Variants in POMGNT1 observed in about 807,000 individuals in gnomAD.
POMGNT1 encodes protein O-linked mannose N-acetylglucosaminyltransferase 1 (beta 1,2-), also known as protein O-linked-mannose beta-1,2-N-acetylglucosaminyltransferase 1.
POMGNT1 carries 67 observed loss-of-function variants against 95.6 expected under a neutral mutation model. The ratio of observed to expected loss-of-function variants is 0.70; its 90% confidence interval spans 0.58 to 0.86. The LOEUF is 0.86. POMGNT1 is among the 40% of genes least tolerant of loss of function. The pLI is 0.00. For missense variants in POMGNT1, 719 were observed against 855.2 expected, an observed-to-expected ratio of 0.84 and a Z score of 1.99; for synonymous variants, 298 against 317.9, an observed-to-expected ratio of 0.94 and a Z score of 0.66.
chr1:46,196,639 T>C lies in POMGNT1; in HGVS notation c.354+92A>G. 6.2e-7 allele frequency: 1 copy of C among 1,606,864 alleles called. No homozygotes were observed. The highest frequency in any genetic ancestry group is 8.5e-7 in the Non-Finnish European group (1 of 1,178,798). On this transcript the variant is annotated intron_variant, in intron 4 of 21. Transcript: ENST00000371984. The surrounding 1 kb of genome is among the most constrained non-coding windows in gnomAD (Gnocchi z 4.4). Reference sequence around the variant, plus strand: ...TCACACAGCTAGAAACTGGCAGAGTTGCAGTTCCCACTTAGGCAGTAGACC... The same window carrying C: ...TCACACAGCTAGAAACTGGCAGAGTCGCAGTTCCCACTTAGGCAGTAGACC...
At chr1:46,202,741 C>T (rs181742851), upstream of POMGNT1, among the ~76,000 whole-genome samples, 2 of 150,908 alleles carry the variant, frequency 1.3e-5, no homozygotes, top group East Asian at 3.9e-4. Context: ...ATCTCAAGCC[C>T]CACCCCAGAT....
upstream of POMGNT1, chr1:46,198,536 C>CGGT: frequency 6.0e-6 from 1 of 167,024 alleles, no homozygotes; most frequent in Non-Finnish European, 1.3e-5. Flanking sequence ...GCGGCGGCGG[C>CGGT]GGCGGTGGCG....
rs1440933775 is a variant in POMGNT1 at position 46,212,571 on chromosome 1, GCA to G, written c.-51+7132_-51+7133del. ...GCTGGGATTACAGGCGTGAGCCACT[GCA>G]CCCGGCCAAATTTTTTTTTTTGAAT... On this transcript the variant is annotated intron_variant, in intron 1 of 22. Coordinates refer to the POMGNT1 transcript ENST00000371992. Among the ~76,000 whole-genome samples, 519 of 151,588 alleles carry G rather than the reference GCA, an allele frequency of 3.4e-3. 1 individual carries two copies. The highest frequency in any genetic ancestry group is 5.7e-3 in the Non-Finnish European group (388 of 67,874).
exon 1 of POMGNT1, chr1:46,220,033 G>A (rs777772232): frequency 1.2e-6 from 2 of 1,614,248 alleles, no homozygotes; most frequent in South Asian, 1.1e-5. Context: ...ATAGCTGGTG[G>A]AGAGAGGGCC....
upstream of POMGNT1, among the ~76,000 whole-genome samples, chr1:46,200,357 C>G (rs911998003): frequency 1.3e-5 from 2 of 152,120 alleles, no homozygotes; most frequent in South Asian, 2.1e-4. Context: ...TGATGTCCAG[C>G]AGGACATCTT....
At chr1:46,203,690 T>G (rs1658622083) in intron 1 of POMGNT1, 6 of 1,485,738 alleles carry the variant, frequency 4.0e-6, no homozygotes, top group South Asian at 1.2e-5. Context: ...GACGAACTCA[T>G]GCTCCCAGAG....
intron 1 of POMGNT1, among the ~76,000 whole-genome samples, chr1:46,213,290 G>C (rs996245135): frequency 3.4e-5 from 5 of 147,280 alleles, no homozygotes; most frequent in African/African-American, 1.2e-4. Context: ...CTTGATATTG[G>C]CATAGCAGAT....
intron 1 of POMGNT1, among the ~76,000 whole-genome samples, chr1:46,205,056 G>C (rs1658668281): frequency 6.6e-6 from 1 of 152,126 alleles, no homozygotes; most frequent in African/African-American, 2.4e-5. Context: ...CCAGGAGTTT[G>C]AGACCAGCCT....
intron 1 of POMGNT1, among the ~76,000 whole-genome samples, chr1:46,217,681 G>A (rs912833924): frequency 2.0e-4 from 31 of 151,888 alleles, no homozygotes; most frequent in African/African-American, 7.3e-4. Context: ...ACCTGGTGAT[G>A]CCCTGTCTCT....
Position 46,190,643 on chromosome 1 carries a change from A to G in POMGNT1, c.1604+77T>C, listed in dbSNP as rs896807154. The G allele has an allele frequency of 4.9e-5, 76 of 1,539,224 alleles. No individual in the cohort carries two copies. The Admixed American group carries it at 1.1e-3, about 23-fold the overall frequency. On this transcript the variant is annotated intron_variant, in intron 18 of 21. Transcript: ENST00000371984. ...AGGGCTGGAGTAAACACACAGGCCC[A>G]GCATTGGAAGGGACTTTCAGGGACT...
rs2148199678 is a variant in POMGNT1, at chr1:46,194,304, G to A, written c.849C>T (p.Asp283=). The A allele has an allele frequency of 6.2e-7, 1 of 1,614,212 alleles. No homozygotes were observed. Among genetic ancestry groups the A allele is most frequent in the Admixed American group, 1.7e-5 (1 of 60,030 alleles). ...CAGGGCTGAACTCGATGGGTGTGGG[G>A]TCCTTGCAGCTGCATACACTTCCAT... ...EGYGSVCSCK[D]PTPIEFSPDP... Residue 283 remains aspartate (D), a synonymous_variant, in exon 9 of 22, where the codon GAC becomes GAT. Transcript: ENST00000371984.
At chr1:46,219,728 C>T in exon 1 of POMGNT1, 1 of 1,604,948 alleles carries the variant, frequency 6.2e-7, no homozygotes. Flanking sequence ...ATGTGAAGAT[C>T]CTGCAGCAGC....
chr1:46,209,537 C>CTTTTTTT (rs55948355), intron 1 of POMGNT1, among the ~76,000 whole-genome samples: 1 of 139,822 alleles, frequency 7.2e-6, no homozygotes. Flanking sequence ...TTGTTGTTTT[C>CTTTTTTT]TTTTTTTTTT....
exon 1 of POMGNT1, chr1:46,220,003 A>G: frequency 1.9e-6 from 3 of 1,614,206 alleles, no homozygotes; most frequent in Non-Finnish European, 2.5e-6. Context: ...CCACGTTCCG[A>G]GATGGACTGG....
chr1:46,204,481 C>T (rs1208125866), intron 1 of POMGNT1, among the ~76,000 whole-genome samples: 1 of 152,174 alleles, frequency 6.6e-6, no homozygotes, highest in South Asian at 2.1e-4. Flanking sequence ...GAATTGCCAT[C>T]GGCTTCCTGG....
chr1:46,190,994 C>T lies in POMGNT1; in HGVS notation c.1540-210G>A, dbSNP rs1657725069. ...TGGCCTCCACCATTGCTGGAGAGCT[C>T]ATGCTGTCACGGCAGCTCACACTAC... On this transcript the variant is annotated intron_variant, in intron 17 of 21. Transcript: ENST00000371984. The T allele has an allele frequency of 7.1e-6, 4 of 559,858 alleles. 1 individual carries two copies. In the Admixed American group the frequency reaches 9.1e-5, roughly 13 times the overall value. 34.7% of individuals were successfully genotyped at this position (559,858 alleles called of 1,614,324 possible).
rs564588981 is a variant in POMGNT1 at position 46,219,237 on chromosome 1, G to A, written c.-51+468C>T. On this transcript the variant is annotated intron_variant, in intron 1 of 22. Coordinates refer to the POMGNT1 transcript ENST00000371992. ...TTGAACCCAGGAGGCGGAGGTTGCG[G>A]TGAGCTGAGATCGCGCCATTGCACT... Among the ~76,000 whole-genome samples the A allele has an allele frequency of 4.0e-5, 6 of 151,842 alleles. 1 individual carries two copies. The highest frequency in any genetic ancestry group is 1.5e-4 in the African/African-American group (6 of 41,356).
chr1:46,209,161 A>C (rs925384740), intron 1 of POMGNT1, among the ~76,000 whole-genome samples: 1 of 152,024 alleles, frequency 6.6e-6, no homozygotes, highest in Non-Finnish European at 1.5e-5. Context: ...AGTAGCTGGG[A>C]TTACAGGCAT....
chr1:46,217,783 G>A (rs1408754568), intron 1 of POMGNT1, among the ~76,000 whole-genome samples: 1 of 152,110 alleles, frequency 6.6e-6, no homozygotes, highest in Non-Finnish European at 1.5e-5. Context: ...CTTGAACCCT[G>A]GAGGCGGAGG....
Sources: gnomAD v4.1 joint callset for allele counts (sites outside exome capture counted in the v4.1 genomes callset) on GRCh38, gnomAD v4.1.1 for gene constraint, Gnocchi (gnomAD v3.1) non-coding constraint, MANE v1.5 for transcripts, NCBI Gene and HGNC (gene_info 2026-07-23, HGNC 2026-07-21) for gene names.